Variants in SGPP2 observed in about 807,000 individuals in gnomAD.
SGPP2 encodes sphingosine-1-phosphate phosphatase 2.
In SGPP2, 30 loss-of-function variants were observed where a neutral mutation model predicts 33.9. That is an observed-to-expected ratio of 0.89 (90% CI 0.66 to 1.20). The LOEUF (loss-of-function observed/expected upper bound fraction) is 1.20. Ranked by LOEUF, SGPP2 falls within the 50% of genes most tolerant of loss-of-function variation. The probability of loss-of-function intolerance (pLI) is 0.00; values close to 1 mark genes in which losing one functional copy is unlikely to be tolerated. For synonymous variants in SGPP2, 233 were observed against 225.0 expected, an observed-to-expected ratio of 1.04 and a Z score of -0.32; for missense variants, 458 against 532.1, an observed-to-expected ratio of 0.86 and a Z score of 1.37.
chr2:222,493,807 G>C (rs1384524668), intron 2 of SGPP2, among the ~76,000 whole-genome samples: 2 of 152,174 alleles, frequency 1.3e-5, no homozygotes, highest in Admixed American at 6.5e-5. Flanking sequence ...TCTTTGGAGT[G>C]TTACATAAGA....
chr2:222,535,743 T>C (rs1698905205), intron 4 of SGPP2, among the ~76,000 whole-genome samples: 1 of 152,190 alleles, frequency 6.6e-6, no homozygotes. Context: ...TGGAGGAGCC[T>C]ACAATTAACT....
chr2:222,509,968 G>A (rs979750352), intron 2 of SGPP2, among the ~76,000 whole-genome samples: 6 of 152,186 alleles, frequency 3.9e-5, no homozygotes, highest in Non-Finnish European at 5.9e-5. Flanking sequence ...AACATTTCAT[G>A]TAAATGGAAT....
chr2:222,537,870 G>A (rs1698936984), intron 4 of SGPP2, among the ~76,000 whole-genome samples: 1 of 152,218 alleles, frequency 6.6e-6, no homozygotes, highest in Non-Finnish European at 1.5e-5. Context: ...CTAATATTAT[G>A]TAATTTTTAT....
chr2:222,504,802 C>T (rs1023641199), intron 2 of SGPP2: 1 of 152,192 alleles, frequency 6.6e-6, no homozygotes, highest in Admixed American at 6.5e-5. Context: ...AACTAGGCAC[C>T]CAATATAGAC....
chr2:222,558,508 C>A lies in SGPP2; in HGVS notation c.810C>A (p.Tyr270Ter). The A allele has an allele frequency of 6.2e-7, 1 of 1,614,184 alleles. No homozygotes were observed. Among genetic ancestry groups the A allele is most frequent in the Non-Finnish European group, 8.5e-7 (1 of 1,180,024 alleles). Reference protein sequence around the residue: ...LCYNYPVSDYYSPTRADTTTI... With the variant: ...LCYNYPVSDY ...ACAATTACCCTGTTTCTGATTACTA[C>A]AGCCCAACCCGGGCGGACACCACCA... Residue 270 changes from tyrosine (Y) to a stop codon, truncating the protein, a stop_gained, in exon 5 of 5, where the codon TAC becomes TAA. Transcript: ENST00000321276. LOFTEE classifies it high-confidence loss of function.
At chr2:222,547,124 G>T (rs189007075) in intron 4 of SGPP2, among the ~76,000 whole-genome samples, 79 of 152,314 alleles carry the variant, frequency 5.2e-4, no homozygotes, top group African/African-American at 1.5e-3. Context: ...ATGTCAACCT[G>T]CATGGGCCTG....
At chr2:222,531,906 C>T (rs535520676) in intron 4 of SGPP2, among the ~76,000 whole-genome samples, 3 of 152,268 alleles carry the variant, frequency 2.0e-5, no homozygotes, top group African/African-American at 7.2e-5. Context: ...ACATGAACCA[C>T]TCTGATTGCA....
In SGPP2 at chr2:222,523,813, C is replaced by T. The variant is rs374408002; in HGVS notation, c.559-1131C>T. Among the ~76,000 whole-genome samples the T allele has an allele frequency of 3.3e-5, 5 of 152,222 alleles. No homozygotes were observed. In the East Asian group the frequency reaches 5.8e-4, roughly 18 times the overall value. On this transcript the variant is annotated intron_variant, in intron 3 of 4. Transcript: ENST00000321276. ...ATTTTAAAAATGTGTGTTGAGGCTG[C>T]TGCCCACACTCTAATTTCCAAATAT...
intron 2 of SGPP2, among the ~76,000 whole-genome samples, chr2:222,500,301 G>A (rs1698347550): frequency 6.6e-6 from 1 of 152,100 alleles, no homozygotes; most frequent in Admixed American, 6.6e-5. Context: ...CAGTCATGAC[G>A]GTCTTGATTC....
At chr2:222,436,709 T>C (rs1380680102) in intron 1 of SGPP2, among the ~76,000 whole-genome samples, 3 of 152,168 alleles carry the variant, frequency 2.0e-5, no homozygotes, top group Non-Finnish European at 4.4e-5. Flanking sequence ...TGGCAGAACA[T>C]TGCGTGCAGG....
At position 222,455,956 on chromosome 2, in the gene SGPP2, A is replaced by G. The variant is rs545423630; in HGVS notation, c.220-18612A>G. On this transcript the variant is annotated intron_variant, in intron 1 of 4. Transcript: ENST00000321276. ...TCCCCGGGTGTGGTGACATGTGTCT[A>G]TAGTCGCAGCAACTTGGGAGGCTAA... 2.0e-5 allele frequency among the ~76,000 whole-genome samples: 3 copies of G among 152,162 alleles called. No homozygotes were observed. The East Asian group carries it at 5.8e-4, about 29-fold the overall frequency.
At chr2:222,454,890 G>A (rs1013716515) in intron 1 of SGPP2, among the ~76,000 whole-genome samples, 1 of 152,070 alleles carries the variant, frequency 6.6e-6, no homozygotes, top group Non-Finnish European at 1.5e-5. Flanking sequence ...TGTGCTAATG[G>A]CATGCTCCAC....
At chr2:222,525,382 A>G (rs1487896161) in intron 4 of SGPP2, among the ~76,000 whole-genome samples, 3 of 152,168 alleles carry the variant, frequency 2.0e-5, no homozygotes, top group African/African-American at 7.2e-5. Flanking sequence ...GAGTAGATGC[A>G]GTTCCCCACT....
intron 1 of SGPP2, among the ~76,000 whole-genome samples, chr2:222,426,221 A>C (rs900998565): frequency 2.6e-5 from 4 of 151,122 alleles, no homozygotes; most frequent in African/African-American, 9.7e-5. Context: ...AAAAAAAAAA[A>C]AAAAAAAAAA....
At chr2:222,498,058 C>T (rs1698308416) in intron 2 of SGPP2, among the ~76,000 whole-genome samples, 1 of 152,124 alleles carries the variant, frequency 6.6e-6, no homozygotes, top group Admixed American at 6.5e-5. Flanking sequence ...CAGGAGACCA[C>T]AGGCTCCTGA....
intron 2 of SGPP2, among the ~76,000 whole-genome samples, chr2:222,499,707 A>G (rs758894899): frequency 2.0e-5 from 3 of 152,238 alleles, no homozygotes; most frequent in African/African-American, 4.8e-5. Flanking sequence ...AAAGGAAACA[A>G]TGTCCATAGA....
At chr2:222,450,124 T>C (rs1697461664) in intron 1 of SGPP2, among the ~76,000 whole-genome samples, 3 of 152,238 alleles carry the variant, frequency 2.0e-5, no homozygotes, top group Admixed American at 2.0e-4. Context: ...TAGACTGTGT[T>C]CTGTCCTGCA....
chr2:222,556,036 A>G (rs560571981), intron 4 of SGPP2, among the ~76,000 whole-genome samples: 60 of 152,286 alleles, frequency 3.9e-4, no homozygotes, highest in African/African-American at 1.3e-3. Flanking sequence ...TGGATCCCCA[A>G]GGGGAAATAT....
intron 1 of SGPP2, among the ~76,000 whole-genome samples, chr2:222,458,364 T>A (rs199743676): frequency 6.6e-6 from 1 of 152,240 alleles, no homozygotes; most frequent in African/African-American, 2.4e-5. Flanking sequence ...CCAGTGCCTC[T>A]GTTGAAAGAA....
Sources: allele counts gnomAD v4.1 joint callset (sites outside exome capture counted in the v4.1 genomes callset), GRCh38; gene constraint gnomAD v4.1.1; transcripts MANE v1.5; gene names NCBI Gene and HGNC (gene_info 2026-07-23, HGNC 2026-07-21).